LDB2: variants seen among roughly 807,000 people sequenced by gnomAD.
LDB2 encodes the protein LIM domain binding 2.
In LDB2, 12 loss-of-function variants were observed where a neutral mutation model predicts 44.3. That is an observed-to-expected ratio of 0.27 (90% CI 0.17 to 0.44). The LOEUF is 0.44. Ranked by LOEUF, LDB2 falls within the 20% of genes least tolerant of loss-of-function variation. LDB2 has a pLI of 1.00. For synonymous variants in LDB2, 164 were observed against 174.8 expected (o/e 0.94, Z 0.49); for missense variants, 344 against 473.5 (o/e 0.73, Z 2.54).
rs1004661373 is a variant in LDB2, at chr4:16,502,588, C to T, written c.*55G>A. 4.5e-5 allele frequency: 71 copies of T among 1,593,508 alleles called. 1 individual carries two copies. Among genetic ancestry groups the T allele is most frequent in the Non-Finnish European group, 6.1e-5 (71 of 1,163,244 alleles). On this transcript the variant is annotated 3_prime_UTR_variant, in exon 8 of 8. Transcript: ENST00000304523. Reference sequence around the variant, plus strand: ...TTCCTCTCCTGTAAGTAAAGATTTGCAATTGTAATGATCACCCACGGGCCT... The same window carrying T: ...TTCCTCTCCTGTAAGTAAAGATTTGTAATTGTAATGATCACCCACGGGCCT...
At chr4:16,891,304 C>CT (rs559119712) in intron 1 of LDB2, among the ~76,000 whole-genome samples, 1,267 of 77,556 alleles carry the variant, frequency 0.016, 140 homozygotes, top group African/African-American at 0.044. Flanking sequence ...CTTAAGTATT[C>CT]TTTTTTTTTT....
rs570101331 is a variant in LDB2, at chr4:16,502,199, A to T, written c.*444T>A. 2 of 154,946 alleles carry T rather than the reference A, an allele frequency of 1.3e-5. No homozygotes were observed. Among genetic ancestry groups the T allele is most frequent in the Admixed American group, 6.5e-5 (1 of 15,502 alleles). 9.6% of individuals were successfully genotyped at this position (154,946 alleles called of 1,614,324 possible). A position where few individuals can be genotyped will look rare whatever the true frequency, so the allele number is the denominator to read the frequency against. The stretch of plus-strand genomic sequence containing the variant: ...TTTTACTGAAACAAGAAACTCTCAG[A>T]TGCAAGTCAAAAAGCAGAAAATATT... On this transcript the variant is annotated 3_prime_UTR_variant, in exon 8 of 8. Coordinates refer to ENST00000304523, the MANE Select transcript of LDB2 (RefSeq NM_001290.5).
chr4:16,780,310 C>T (rs1213885073), intron 1 of LDB2, among the ~76,000 whole-genome samples: 2 of 152,126 alleles, frequency 1.3e-5, no homozygotes, highest in African/African-American at 2.4e-5. Context: ...GCAACCTCCG[C>T]CTCCCAGGTT....
chr4:16,853,631 T>C (rs1413814877), intron 1 of LDB2, among the ~76,000 whole-genome samples: 3 of 152,190 alleles, frequency 2.0e-5, no homozygotes, highest in Non-Finnish European at 4.4e-5. Context: ...TCTGGACATA[T>C]ACCCAAAGGA....
At chr4:16,826,150 T>C (rs1783023451) in intron 1 of LDB2, among the ~76,000 whole-genome samples, 2 of 151,844 alleles carry the variant, frequency 1.3e-5, no homozygotes, top group African/African-American at 4.9e-5. Flanking sequence ...ATGATAGATA[T>C]AGATAGATAC....
intron 1 of LDB2, among the ~76,000 whole-genome samples, chr4:16,791,137 G>C (rs1775608644): frequency 6.6e-6 from 1 of 152,154 alleles, no homozygotes; most frequent in Non-Finnish European, 1.5e-5. Context: ...GAGCATTTTA[G>C]GATTTCCATG....
At chr4:16,797,868 C>T (rs986935475) in intron 1 of LDB2, among the ~76,000 whole-genome samples, 5 of 151,866 alleles carry the variant, frequency 3.3e-5, no homozygotes, top group African/African-American at 9.7e-5. Context: ...AACCCTGTCT[C>T]TACTAAAAAT....
intron 1 of LDB2, among the ~76,000 whole-genome samples, chr4:16,777,600 T>C (rs1006101386): frequency 2.6e-5 from 4 of 152,166 alleles, no homozygotes; most frequent in African/African-American, 7.2e-5. Flanking sequence ...TAAGCAGGCA[T>C]GTGTCATGAT....
intron 2 of LDB2, among the ~76,000 whole-genome samples, chr4:16,658,730 C>T (rs78582252): frequency 0.014 from 2,058 of 152,276 alleles, 43 homozygotes; most frequent in African/African-American, 0.048. Flanking sequence ...GGAATAAACA[C>T]TTTTTAAGCA....
At chr4:16,520,661 T>TGTCA (rs1366991037) in intron 5 of LDB2, among the ~76,000 whole-genome samples, 3 of 152,184 alleles carry the variant, frequency 2.0e-5, no homozygotes, top group African/African-American at 7.2e-5. Flanking sequence ...TGGCGGCAGC[T>TGTCA]GTCACTCCAG....
At chr4:16,702,288 C>T (rs1560931842) in intron 2 of LDB2, among the ~76,000 whole-genome samples, 1 of 152,204 alleles carries the variant, frequency 6.6e-6, no homozygotes, top group Non-Finnish European at 1.5e-5. Context: ...TCCAACACTT[C>T]CCATGAACTT....
At chr4:16,503,087 C>T (rs747471265) in intron 7 of LDB2, 1 of 1,537,222 alleles carries the variant, frequency 6.5e-7, no homozygotes, top group Non-Finnish European at 8.7e-7. Flanking sequence ...GAGTTTATGT[C>T]CTTAGTGCGC....
intron 1 of LDB2, among the ~76,000 whole-genome samples, chr4:16,824,676 G>A (rs59826958): frequency 0.016 from 2,511 of 152,252 alleles, 78 homozygotes; most frequent in African/African-American, 0.057. Context: ...AAACTCCCTG[G>A]TTCTACACAC....
chr4:16,596,843 C>T (rs996588755), intron 2 of LDB2, among the ~76,000 whole-genome samples: 9 of 152,090 alleles, frequency 5.9e-5, no homozygotes, highest in Admixed American at 2.6e-4. Flanking sequence ...TTTTCAGCAG[C>T]GATTTGAAAT....
intron 1 of LDB2, among the ~76,000 whole-genome samples, chr4:16,889,542 C>T (rs1349531538): frequency 6.6e-6 from 1 of 152,158 alleles, no homozygotes; most frequent in Non-Finnish European, 1.5e-5. Context: ...GCTCACTGGG[C>T]TATTAGGCTC....
chr4:16,582,041 G>T lies in LDB2; in HGVS notation c.615+3881C>A, dbSNP rs941636779. On this transcript the variant is annotated intron_variant, in intron 5 of 7. Coordinates refer to ENST00000304523, the MANE Select transcript of LDB2 (RefSeq NM_001290.5). The surrounding 1 kb of genome is among the most constrained non-coding windows in gnomAD (Gnocchi z 4.8). ...AGGAAGGAAGGAAGGAAGGAAGGAA[G>T]GAAGGAAGGAAAAGAAAGTAAGTCC... Among the ~76,000 whole-genome samples the T allele has an allele frequency of 7.2e-6, 1 of 138,886 alleles. No homozygotes were observed. Among genetic ancestry groups the T allele is most frequent in the Non-Finnish European group, 1.6e-5 (1 of 61,024 alleles). 91.1% of individuals were successfully genotyped at this position (138,886 alleles called of 152,430 possible). A position where few individuals can be genotyped will look rare whatever the true frequency, so the allele number is the denominator to read the frequency against.
intron 2 of LDB2, among the ~76,000 whole-genome samples, chr4:16,632,266 A>T (rs1044466736): frequency 2.6e-5 from 4 of 152,234 alleles, no homozygotes; most frequent in Non-Finnish European, 5.9e-5. Context: ...CTGGGATGCA[A>T]GGCTGGTTCA....
chr4:16,584,092 C>T (rs533093680), intron 5 of LDB2, among the ~76,000 whole-genome samples: 1 of 152,176 alleles, frequency 6.6e-6, no homozygotes, highest in Non-Finnish European at 1.5e-5. Flanking sequence ...AGAGTCGGCG[C>T]TGTGTTTCTC....
intron 1 of LDB2, among the ~76,000 whole-genome samples, chr4:16,781,096 G>C (rs1773118275): frequency 6.6e-6 from 1 of 152,072 alleles, no homozygotes; most frequent in South Asian, 2.1e-4. Flanking sequence ...TTGACTTCAG[G>C]GACTTTGGTT....
Sources: allele counts gnomAD v4.1 joint callset (sites outside exome capture counted in the v4.1 genomes callset), GRCh38; gene constraint gnomAD v4.1.1; non-coding constraint Gnocchi (gnomAD v3.1); transcripts MANE v1.5; gene names NCBI Gene and HGNC (gene_info 2026-07-23, HGNC 2026-07-21).